POMZP3: variants seen among roughly 807,000 people sequenced by gnomAD.
POMZP3 encodes the protein POM121 and ZP3 fusion protein.
A neutral mutation model predicts 19.8 loss-of-function variants in POMZP3; 10 were observed. The ratio of observed to expected loss-of-function variants is 0.51; its 90% CI spans 0.31 to 0.86. POMZP3 has a LOEUF of 0.86. Ranked by LOEUF, POMZP3 falls within the 40% of genes least tolerant of loss-of-function variation. POMZP3 has a pLI of 0.04. For synonymous variants in POMZP3, 57 were observed against 85.8 expected (o/e 0.66, Z 1.85); for missense variants, 152 against 228.1 (o/e 0.67, Z 2.15).
intron 3 of POMZP3, among the ~76,000 whole-genome samples, chr7:76,618,797 T>TTTTA (rs972089824): frequency 6.6e-6 from 1 of 151,400 alleles, no homozygotes; most frequent in African/African-American, 2.4e-5. Context: ...TTGTTAAAGA[T>TTTTA]TTTATTTATT....
chr7:76,618,397 G>A (rs1473199560), intron 3 of POMZP3, 97 bp from the exon 4 acceptor site: 8 of 1,028,740 alleles, frequency 7.8e-6, no homozygotes, highest in African/African-American at 1.6e-5. Context: ...CAAGGTGGGT[G>A]GATCACTTGA....
chr7:76,624,894 A>C (rs1815781584), intron 3 of POMZP3, among the ~76,000 whole-genome samples: 1 of 151,344 alleles, frequency 6.6e-6, no homozygotes, highest in Admixed American at 6.6e-5. Flanking sequence ...GCACTTTGGG[A>C]GGCCAAGGCG....
At chr7:76,614,929 C>T (rs1283961656) in intron 4 of POMZP3, among the ~76,000 whole-genome samples, 10 of 102,550 alleles carry the variant, frequency 9.8e-5, no homozygotes, top group African/African-American at 3.7e-4. Flanking sequence ...TAGCTCACTG[C>T]AGCCTTAAAC....
chr7:76,620,776 C>T (rs1168402842), intron 3 of POMZP3, among the ~76,000 whole-genome samples: 1 of 150,770 alleles, frequency 6.6e-6, no homozygotes, highest in Non-Finnish European at 1.5e-5. Flanking sequence ...TGGGTGAGCC[C>T]TTTCAAAACA....
Position 76,611,033 on chromosome 7 carries a change from C to A in POMZP3, c.*11+421G>T, listed in dbSNP as rs7809601. On this transcript the variant is annotated intron_variant, in intron 6 of 6. Coordinates refer to ENST00000310842, the MANE Select transcript of POMZP3 (RefSeq NM_012230.5). ...GGGATTACAGGCATGTACCACCACG[C>A]CCAGCTAATTTTTTATTTTTAGTAG... is the stretch of plus-strand genomic sequence containing the variant. Among the ~76,000 whole-genome samples, 569 of 141,474 alleles carry A rather than the reference C, an allele frequency of 4.0e-3. 7 individuals are homozygous for A. The highest frequency in any genetic ancestry group is 0.015 in the African/African-American group (545 of 36,826). 92.8% of individuals were successfully genotyped at this position (141,474 alleles called of 152,430 possible). A position where few individuals can be genotyped will look rare whatever the true frequency, so the allele number is the denominator to read the frequency against.
chr7:76,619,298 G>A (rs1427802170), intron 3 of POMZP3, among the ~76,000 whole-genome samples: 1 of 152,156 alleles, frequency 6.6e-6, no homozygotes, highest in African/African-American at 2.4e-5. Context: ...TGAGAGAGGA[G>A]AATCTCCTCA....
Position 76,611,535 on chromosome 7 carries a change from C to T in POMZP3, c.494G>A (p.Cys165Tyr), listed in dbSNP as rs371703975. Residue 165 changes from cysteine (C) to tyrosine (Y), a missense_variant, in exon 6 of 7, where the codon TGT becomes TAT. Cys to Tyr is a radical substitution (Grantham distance 194). Transcript: ENST00000310842. ...CCTCCTGGAATGGCTTGGAGTGCCA[C>T]AGTCACCTTTGTTACAGCATTGACA... ...DICQCCNKGD[C>Y]GTPSHSRRQP... 2.5e-6 allele frequency: 4 copies of T among 1,605,278 alleles called. 1 individual carries two copies. The highest frequency in any genetic ancestry group is 1.3e-5 in the African/African-American group (1 of 74,506).
chr7:76,616,272 G>T (rs1815284047), intron 4 of POMZP3, among the ~76,000 whole-genome samples: 1 of 99,402 alleles, frequency 1.0e-5, no homozygotes, highest in African/African-American at 5.3e-5. Flanking sequence ...GACAGAGTGA[G>T]ACTGTCTCAA....
chr7:76,624,942 C>A (rs967025808), intron 3 of POMZP3, among the ~76,000 whole-genome samples: 3 of 151,054 alleles, frequency 2.0e-5, no homozygotes, highest in Non-Finnish European at 4.4e-5. Context: ...ACCATCCTGG[C>A]CAACATGGTG....
At chr7:76,620,833 C>T (rs1296704688) in intron 3 of POMZP3, among the ~76,000 whole-genome samples, 1 of 138,930 alleles carries the variant, frequency 7.2e-6, no homozygotes, top group African/African-American at 2.7e-5. Context: ...TTGGGGAAGA[C>T]TGGTTTACTC....
At chr7:76,620,000 CAG>C (rs1225762054) in intron 3 of POMZP3, among the ~76,000 whole-genome samples, 1 of 90,248 alleles carries the variant, frequency 1.1e-5, no homozygotes, top group Admixed American at 1.1e-4. Flanking sequence ...GCCTGGGTGA[CAG>C]GGTGATATCT....
At chr7:76,621,545 C>T (rs903532695) in intron 3 of POMZP3, among the ~76,000 whole-genome samples, 1 of 151,498 alleles carries the variant, frequency 6.6e-6, no homozygotes, top group Non-Finnish European at 1.5e-5. Flanking sequence ...GAGGCTGAGA[C>T]CTATTGGGCT....
intron 3 of POMZP3, among the ~76,000 whole-genome samples, chr7:76,620,402 T>C (rs1222082664): frequency 7.8e-6 from 1 of 127,840 alleles, no homozygotes; most frequent in Non-Finnish European, 1.7e-5. Flanking sequence ...ACTTTTCAGA[T>C]GAATGAACGG....
At position 76,621,942 on chromosome 7, in the gene POMZP3, A is replaced by AG. The variant is rs1415514981; in HGVS notation, c.227+3579_227+3580insC. ...GTGACAGCAAGACTCCGTTTCAAAA[A>AG]ATAAATAAATAAATAAATAAATAAA... On this transcript the variant is annotated intron_variant, in intron 3 of 6. Transcript: ENST00000310842. Among the ~76,000 whole-genome samples the AG allele has an allele frequency of 4.7e-5, 3 of 63,926 alleles. 1 individual carries two copies. Among genetic ancestry groups the AG allele is most frequent in the Non-Finnish European group, 9.3e-5 (3 of 32,280 alleles). 41.9% of individuals were successfully genotyped at this position (63,926 alleles called of 152,430 possible).
At chr7:76,620,308 A>G (rs1380252631) in intron 3 of POMZP3, among the ~76,000 whole-genome samples, 1 of 65,618 alleles carries the variant, frequency 1.5e-5, no homozygotes, top group Non-Finnish European at 2.9e-5. Flanking sequence ...AGCCTGGGCA[A>G]CAGAGTGAGA....
At chr7:76,623,428 G>A (rs1406988505) in intron 3 of POMZP3, among the ~76,000 whole-genome samples, 3 of 147,332 alleles carry the variant, frequency 2.0e-5, no homozygotes, top group Admixed American at 7.0e-5. Context: ...AGTTCTTGTT[G>A]CTCCTGTGGG....
In POMZP3 at chr7:76,617,159, G is replaced by C. The variant is rs553872772; in HGVS notation, c.345+1024C>G. On this transcript the variant is annotated intron_variant, in intron 4 of 6. Transcript: ENST00000310842. ...AATTTTTTGTATTTTTAGTAGAGGGGGTTTCACCGTGTTAACCAGGATGGT... is the reference window on the plus strand; with the variant it reads ...AATTTTTTGTATTTTTAGTAGAGGGCGTTTCACCGTGTTAACCAGGATGGT... 5.5e-5 allele frequency among the ~76,000 whole-genome samples: 5 copies of C among 90,834 alleles called. 2 individuals are homozygous for C. Among genetic ancestry groups the C allele is most frequent in the African/African-American group, 2.4e-4 (5 of 21,040 alleles). 59.6% of individuals were successfully genotyped at this position (90,834 alleles called of 152,430 possible).
Position 76,627,003 on chromosome 7 carries a change from C to A in POMZP3, c.-447G>T. The A allele has an allele frequency of 7.4e-7, 1 of 1,352,560 alleles. No homozygotes were observed. The highest frequency in any genetic ancestry group is 9.7e-7 in the Non-Finnish European group (1 of 1,032,048). 83.8% of individuals were successfully genotyped at this position (1,352,560 alleles called of 1,614,324 possible). A position where few individuals can be genotyped will look rare whatever the true frequency, so the allele number is the denominator to read the frequency against. On this transcript the variant is annotated 5_prime_UTR_variant, in exon 1 of 7. Coordinates refer to ENST00000310842, the MANE Select transcript of POMZP3 (RefSeq NM_012230.5). ...TCGACTTGGCCGGAGGCGAAGCGAACAGTGTTCGCCGATGTCGCGCCTTCT... is the reference window on the plus strand; with the variant it reads ...TCGACTTGGCCGGAGGCGAAGCGAAAAGTGTTCGCCGATGTCGCGCCTTCT...
chr7:76,623,912 T>C (rs1815712043), intron 3 of POMZP3, among the ~76,000 whole-genome samples: 1 of 149,334 alleles, frequency 6.7e-6, no homozygotes, highest in Non-Finnish European at 1.5e-5. Flanking sequence ...TTGTTTAAGT[T>C]GGGGGTTATT....
Sources: gnomAD v4.1 joint callset for allele counts (sites outside exome capture counted in the v4.1 genomes callset) on GRCh38, gnomAD v4.1.1 for gene constraint, MANE v1.5 for transcripts, NCBI Gene and HGNC (gene_info 2026-07-23, HGNC 2026-07-21) for gene names.